KCNIP4: variants seen among roughly 807,000 people sequenced by gnomAD.
The protein encoded by KCNIP4 is potassium voltage-gated channel interacting protein 4.
KCNIP4 carries 12 observed loss-of-function variants against 34.0 expected under a neutral mutation model. The observed-to-expected ratio is 0.35, with a 90% confidence interval of 0.23 to 0.57. KCNIP4 has a LOEUF of 0.57. Among genes scored for constraint, KCNIP4 ranks in the 20% least tolerant of loss-of-function variants. KCNIP4 has a pLI of 0.83. For synonymous variants in KCNIP4, 124 were observed against 102.2 expected (o/e 1.21, Z -1.29); for missense variants, 238 against 311.7 (o/e 0.76, Z 1.78).
intron 1 of KCNIP4, among the ~76,000 whole-genome samples, chr4:21,795,038 C>T (rs1215364674): frequency 6.6e-6 from 1 of 152,050 alleles, no homozygotes; most frequent in East Asian, 1.9e-4. Flanking sequence ...ATTTTCAGTT[C>T]CCCCCAAATT....
At chr4:20,908,764 G>A (rs1728045751) in intron 1 of KCNIP4, among the ~76,000 whole-genome samples, 1 of 152,136 alleles carries the variant, frequency 6.6e-6, no homozygotes, top group African/African-American at 2.4e-5. Flanking sequence ...CATGGCTTGG[G>A]CACACTACTT....
intron 1 of KCNIP4, among the ~76,000 whole-genome samples, chr4:21,000,846 A>C (rs560534885): frequency 2.6e-5 from 4 of 152,272 alleles, no homozygotes; most frequent in African/African-American, 9.6e-5. Flanking sequence ...TATCTCAGGG[A>C]TATTGCACTT....
rs913901417 is a variant in KCNIP4, at chr4:20,763,048, G to A, written c.289-4158C>T. Among the ~76,000 whole-genome samples, 6 of 152,138 alleles carry A rather than the reference G, an allele frequency of 3.9e-5. No homozygotes were observed. The East Asian group carries it at 9.7e-4, about 25-fold the overall frequency. ...CCCACTTATCACGAGAACAGCATGG[G>A]GGAACTGCCTCCATGATTCAATTAC... On this transcript the variant is annotated intron_variant, in intron 3 of 8. Transcript: ENST00000382152.
chr4:21,181,219 C>G (rs535716066), intron 1 of KCNIP4, among the ~76,000 whole-genome samples: 1 of 152,010 alleles, frequency 6.6e-6, no homozygotes, highest in African/African-American at 2.4e-5. Flanking sequence ...TGAGAGGAAA[C>G]CAAGATAGGG....
chr4:20,731,631 T>C, intron 8 of KCNIP4: 1 of 985,328 alleles, frequency 1.0e-6, no homozygotes, highest in Non-Finnish European at 1.2e-6. Flanking sequence ...CTTGGCTATC[T>C]AGGAATTCTA....
chr4:21,448,339 G>A (rs1438167810), intron 1 of KCNIP4, among the ~76,000 whole-genome samples: 1 of 151,950 alleles, frequency 6.6e-6, no homozygotes, highest in Non-Finnish European at 1.5e-5. Context: ...GCTTTTTTAA[G>A]GGCTCAAAAG....
intron 1 of KCNIP4, among the ~76,000 whole-genome samples, chr4:20,936,342 G>A (rs1248413867): frequency 1.3e-5 from 2 of 151,908 alleles, no homozygotes; most frequent in Non-Finnish European, 2.9e-5. Context: ...TATAGAAAAC[G>A]GGTTCATTTA....
Position 21,024,331 on chromosome 4 carries a change from A to G in KCNIP4, c.62-141622T>C, listed in dbSNP as rs1444943249. Among the ~76,000 whole-genome samples the G allele has an allele frequency of 2.6e-5, 4 of 152,332 alleles. No homozygotes were observed. The South Asian group carries it at 6.2e-4, about 24-fold the overall frequency. ...TTAGCCAATTCTCTAGTTCAAGGCA[A>G]TTAATGTTTTTGAGGTTGACATGGG... On this transcript the variant is annotated intron_variant, in intron 1 of 8. Transcript: ENST00000382152.
At chr4:21,389,101 G>A (rs760835548) in intron 1 of KCNIP4, among the ~76,000 whole-genome samples, 23 of 151,318 alleles carry the variant, frequency 1.5e-4, no homozygotes, top group Admixed American at 7.9e-4. Context: ...TCCTCCCACC[G>A]CAACTTCCTT....
chr4:21,236,737 C>T (rs569646616), intron 1 of KCNIP4, among the ~76,000 whole-genome samples: 4 of 151,744 alleles, frequency 2.6e-5, no homozygotes, highest in Non-Finnish European at 5.9e-5. Flanking sequence ...AGGCCGGGCG[C>T]GGTGGCTCAT....
intron 1 of KCNIP4, among the ~76,000 whole-genome samples, chr4:21,695,329 C>G (rs2109053016): frequency 6.6e-6 from 1 of 152,082 alleles, no homozygotes; most frequent in East Asian, 1.9e-4. Context: ...TTACAAGAAA[C>G]AGGTTGCTGC....
intron 1 of KCNIP4, among the ~76,000 whole-genome samples, chr4:21,228,580 C>T (rs764504644): frequency 6.6e-6 from 1 of 152,200 alleles, no homozygotes; most frequent in Non-Finnish European, 1.5e-5. Flanking sequence ...CATGAGTACA[C>T]AGTTCATCCC....
chr4:21,817,563 C>T (rs573652505), intron 1 of KCNIP4, among the ~76,000 whole-genome samples: 116 of 152,178 alleles, frequency 7.6e-4, no homozygotes, highest in Non-Finnish European at 6.8e-4. Flanking sequence ...TAAATGGACA[C>T]GCAAGTAGGG....
At chr4:21,192,918 A>T (rs1205251948) in intron 1 of KCNIP4, among the ~76,000 whole-genome samples, 2 of 57,420 alleles carry the variant, frequency 3.5e-5, no homozygotes, top group South Asian at 7.9e-4. Context: ...CCCCGTCTCT[A>T]CTACTACTAC....
At chr4:21,945,566 T>G (rs1056198802) in intron 1 of KCNIP4, among the ~76,000 whole-genome samples, 9 of 152,162 alleles carry the variant, frequency 5.9e-5, no homozygotes, top group Non-Finnish European at 1.0e-4. Context: ...TGAAGACATT[T>G]TTTTACTCTA....
intron 1 of KCNIP4, among the ~76,000 whole-genome samples, chr4:21,861,445 A>G (rs1234159059): frequency 6.6e-6 from 1 of 152,156 alleles, no homozygotes; most frequent in Non-Finnish European, 1.5e-5. Context: ...TGAAGTCAGG[A>G]GTTCGAAACC....
At chr4:21,033,847 A>C (rs1374421638) in intron 1 of KCNIP4, among the ~76,000 whole-genome samples, 5 of 152,202 alleles carry the variant, frequency 3.3e-5, no homozygotes, top group Non-Finnish European at 7.3e-5. Context: ...ATAAGCAAGC[A>C]TTCTGCTTAT....
chr4:21,197,287 C>G (rs903762188), intron 1 of KCNIP4, among the ~76,000 whole-genome samples: 1 of 152,226 alleles, frequency 6.6e-6, no homozygotes, highest in Admixed American at 6.5e-5. Flanking sequence ...AGTGGAATTG[C>G]TAGCTCAGAG....
In KCNIP4 at chr4:20,818,400, C is replaced by T. The variant is rs954115700; in HGVS notation, c.288+32143G>A. ...GAATATTCTGGTAGATATCATGAAA[C>T]TCCCACTCCAACTTATCAGAAGAAA... On this transcript the variant is annotated intron_variant, in intron 3 of 8. Coordinates refer to ENST00000382152, the MANE Select transcript of KCNIP4 (RefSeq NM_025221.6). Among the ~76,000 whole-genome samples the T allele has an allele frequency of 3.3e-5, 5 of 152,276 alleles. No individual in the cohort carries two copies. The South Asian group carries it at 8.3e-4, about 25-fold the overall frequency.
Sources: allele counts gnomAD v4.1 joint callset (sites outside exome capture counted in the v4.1 genomes callset), GRCh38; gene constraint gnomAD v4.1.1; transcripts MANE v1.5; gene names NCBI Gene and HGNC (gene_info 2026-07-23, HGNC 2026-07-21).